Variants in DNAH5 observed in about 807,000 individuals in gnomAD.
DNAH5 encodes axonemal beta dynein heavy chain 5.
In DNAH5, 372 loss-of-function variants were observed where a neutral mutation model predicts 518.2. That is an observed-to-expected ratio of 0.72 (90% CI 0.66 to 0.78). The LOEUF (loss-of-function observed/expected upper bound fraction) is 0.78, where lower values mean the gene tolerates loss of function less well. Among genes scored for constraint, DNAH5 ranks in the 30% least tolerant of loss-of-function variants. The probability of loss-of-function intolerance (pLI) is 0.00; values close to 1 mark genes in which losing one functional copy is unlikely to be tolerated. For missense variants in DNAH5, 5,523 were observed against 5,687.0 expected (o/e 0.97, Z 0.93); for synonymous variants, 2,039 against 2,025.9 (o/e 1.01, Z -0.17).
intron 69 of DNAH5, among the ~76,000 whole-genome samples, 161 bp downstream of exon 69, chr5:13,729,278 T>C (rs1270596227): frequency 6.6e-6 from 1 of 152,228 alleles, no homozygotes; most frequent in African/African-American, 2.4e-5. Flanking sequence ...GAATGCCTTA[T>C]CAGAGTGTAA....
Position 13,914,545 on chromosome 5 carries a change from A to G in DNAH5, c.1295T>C (p.Ile432Thr). The G allele has an allele frequency of 6.2e-7, 1 of 1,613,370 alleles. No individual in the cohort carries two copies. The highest frequency in any genetic ancestry group is 8.5e-7 in the Non-Finnish European group (1 of 1,179,492). ...NQPQDVVEEKILSAIKLKQEY... is the reference protein window; with the variant it reads ...NQPQDVVEEKTLSAIKLKQEY... ...CTGTTTCAGTTTAATCGCAGATAGT[A>G]TTTTTTCTTCAACAACATCCTGTGG... Residue 432 changes from isoleucine to threonine, a missense_variant, in exon 10 of 79, where the codon ATA becomes ACA. This residue lies in a region of DNAH5 where 5,121 missense variants were observed against 5,223.3 expected (regional missense o/e 0.98). Transcript: ENST00000265104.
intron 1 of DNAH5, among the ~76,000 whole-genome samples, chr5:13,989,773 A>G (rs10060055): frequency 0.3 from 45,688 of 151,912 alleles, 7,182 homozygotes; most frequent in East Asian, 0.61. Flanking sequence ...ATGAGCCACC[A>G]CACCCAGCCG....
chr5:13,917,536 G>A lies in DNAH5; in HGVS notation c.976-280C>T, dbSNP rs146823507. Reference sequence around the variant, plus strand: ...GCAGCACCGCCCTTTAAACTCACACGTTCTCCCCTGCACTGGTTAGCAGAC... The same window carrying A: ...GCAGCACCGCCCTTTAAACTCACACATTCTCCCCTGCACTGGTTAGCAGAC... On this transcript the variant is annotated intron_variant, in intron 7 of 78. Coordinates refer to ENST00000265104, the MANE Select transcript of DNAH5 (RefSeq NM_001369.3). Among the ~76,000 whole-genome samples, 241 of 152,206 alleles carry A rather than the reference G, an allele frequency of 1.6e-3. 3 individuals are homozygous for A. Among genetic ancestry groups the A allele is most frequent in the African/African-American group, 5.4e-3 (224 of 41,528 alleles).
In DNAH5 at chr5:13,850,921, G is replaced by C. The variant is rs948926873; in HGVS notation, c.4951-106C>G. The C allele has an allele frequency of 1.2e-5, 14 of 1,135,592 alleles. No individual in the cohort carries two copies. In the African/African-American group the frequency reaches 2.0e-4, roughly 16 times the overall value. The allele number at this position is 1,135,592 out of a possible 1,614,324, so 70.3% of individuals were successfully genotyped here. ...TGAGGCTAGAGCTTTAACCAGTCCAGATATCCAAGCAATATATGCCTAATG... is the reference window on the plus strand; with the variant it reads ...TGAGGCTAGAGCTTTAACCAGTCCACATATCCAAGCAATATATGCCTAATG... On this transcript the variant is annotated intron_variant, in intron 30 of 78. Transcript: ENST00000265104.
chr5:13,708,296 T>A lies in DNAH5; in HGVS notation c.13165A>T (p.Met4389Leu), dbSNP rs767353555. ...RLQKMGPFQP[M>L]NIFLRQEIDR... is the part of the protein sequence containing the mutation. ...ATTTCCTGCCTGAGGAAAATGTTCA[T>A]AGGCTGGAATGGCCCCATCTTCTGC... The change falls in exon 76 of 79, where the codon ATG (methionine) becomes TTG (leucine). Residue 4389 changes from methionine to leucine, a missense_variant. Coordinates refer to ENST00000265104, the MANE Select transcript of DNAH5 (RefSeq NM_001369.3). 1.2e-6 allele frequency: 2 copies of A among 1,614,030 alleles called. No homozygotes were observed. The highest frequency in any genetic ancestry group is 3.3e-5 in the Admixed American group (2 of 59,998).
chr5:13,871,001 AGCTGTAAAAACCCAAAT>A lies in DNAH5; in HGVS notation c.3599-16_3599del. On this transcript the variant is annotated splice_acceptor_variant and splice_polypyrimidine_tract_variant and coding_sequence_variant and intron_variant, in exon 24 of 79. Coordinates refer to ENST00000265104, the MANE Select transcript of DNAH5 (RefSeq NM_001369.3). LOFTEE classifies it high-confidence loss of function. ...CAGCAGTCAGGGCGAACTTCAAGTC[AGCTGTAAAAACCCAAAT>A]GTCTACAGTTCAGTTTTAAAAACTC... 6.2e-7 allele frequency: 1 copy of A among 1,612,662 alleles called. No individual in the cohort carries two copies. Among genetic ancestry groups the A allele is most frequent in the Non-Finnish European group, 8.5e-7 (1 of 1,179,286 alleles).
In DNAH5 at chr5:13,762,348, A is replaced by T. The variant is rs141044090; in HGVS notation, c.10281+374T>A. On this transcript the variant is annotated intron_variant, in intron 60 of 78. Transcript: ENST00000265104. Reference sequence around the variant, plus strand: ...GTCTTGACCCTACCTCACTCATAGGATTCTCTGGATAAAGATCTGAAATAT... The same window carrying T: ...GTCTTGACCCTACCTCACTCATAGGTTTCTCTGGATAAAGATCTGAAATAT... Among the ~76,000 whole-genome samples the T allele has an allele frequency of 3.6e-3, 541 of 152,264 alleles. 13 individuals are homozygous for T. The highest frequency in any genetic ancestry group is 9.4e-4 in the Non-Finnish European group (64 of 68,018).
intron 1 of DNAH5, among the ~76,000 whole-genome samples, chr5:13,934,790 A>C (rs1778764253): frequency 6.6e-6 from 1 of 152,208 alleles, no homozygotes; most frequent in Admixed American, 6.5e-5. Flanking sequence ...AGGTGGCAAG[A>C]GGCAGGATTC....
At position 13,920,613 on chromosome 5, in the gene DNAH5, T is replaced by C; in HGVS notation, c.665A>G (p.Asn222Ser). 2 of 1,614,076 alleles carry C rather than the reference T, an allele frequency of 1.2e-6. No individual in the cohort carries two copies. The highest frequency in any genetic ancestry group is 1.7e-6 in the Non-Finnish European group (2 of 1,179,938). ...GAQESLKEKV[N>S]LRKCDILELK... ...TTCAAGTATGTCACACTTTCGAAGG[T>C]TCACCTAATTAGAATGAAAATTAAA... is the stretch of plus-strand genomic sequence containing the variant. The change falls in exon 6 of 79, where the codon AAC becomes AGC. Residue 222 changes from asparagine (N) to serine (S), a missense_variant. By Grantham distance (46) the Asn-to-Ser change is conservative (BLOSUM62 1). Transcript: ENST00000265104.
chr5:13,771,579 CA>C (rs767434266), intron 55 of DNAH5, among the ~76,000 whole-genome samples: 4 of 152,058 alleles, frequency 2.6e-5, no homozygotes, highest in Non-Finnish European at 5.9e-5. Context: ...CCCACATTGC[CA>C]AATGGGGGAC....
At chr5:13,785,550 T>G (rs1755857290) in intron 52 of DNAH5, among the ~76,000 whole-genome samples, 1 of 152,242 alleles carries the variant, frequency 6.6e-6, no homozygotes, top group Non-Finnish European at 1.5e-5. Context: ...AACCACTAAG[T>G]ATATTGTTCA....
intron 1 of DNAH5, among the ~76,000 whole-genome samples, chr5:13,960,111 C>CA (rs78100175): frequency 0.34 from 47,646 of 139,572 alleles, 7,759 homozygotes; most frequent in East Asian, 0.61. Context: ...CTTTTATCTT[C>CA]AAAAAAAAAA....
chr5:13,865,597 C>T, intron 27 of DNAH5, 71 bp downstream of exon 27: 1 of 939,184 alleles, frequency 1.1e-6, no homozygotes, highest in South Asian at 1.3e-5. Flanking sequence ...GAAAAGAGAA[C>T]TTGGCTGCCT....
intron 1 of DNAH5, among the ~76,000 whole-genome samples, chr5:13,999,258 A>T (rs72736948): frequency 3.5e-4 from 54 of 152,380 alleles, no homozygotes; most frequent in Non-Finnish European, 6.0e-4. Context: ...TTTCAAGTAT[A>T]CATTATTGCT....
chr5:13,864,309 A>G (rs1768903533), intron 28 of DNAH5, 88 bp downstream of exon 28: 1 of 1,543,186 alleles, frequency 6.5e-7, no homozygotes. Flanking sequence ...GTCTGAGTGT[A>G]GTTTACTGAT....
At chr5:13,799,164 C>A (rs1443129310) in intron 47 of DNAH5, among the ~76,000 whole-genome samples, 1 of 151,682 alleles carries the variant, frequency 6.6e-6, no homozygotes, top group Non-Finnish European at 1.5e-5. Context: ...AATTACAAAA[C>A]AAATCTCCCA....
At chr5:13,813,792 A>C (rs1006922907) in intron 43 of DNAH5, among the ~76,000 whole-genome samples, 4 of 152,198 alleles carry the variant, frequency 2.6e-5, no homozygotes, top group Non-Finnish European at 5.9e-5. Context: ...AAAAGTTAGG[A>C]TATAACCATA....
rs764968328 is a variant in DNAH5, at chr5:13,729,507, G to A, written c.11815C>T (p.Leu3939=). ...ACCAAATTCAGCCATGTTATGTCCA[G>A]GATCCATTTTGATGGTTTTGGAGGA... ...ACPPKPSKWI[L]DITWLNLVEL... The change falls in exon 69 of 79, where the codon CTG becomes TTG. Residue 3939 remains leucine (L), a synonymous_variant. Transcript: ENST00000265104. 1.1e-5 allele frequency: 17 copies of A among 1,613,816 alleles called. No individual in the cohort carries two copies. The highest frequency in any genetic ancestry group is 1.7e-6 in the Non-Finnish European group (2 of 1,179,886).
At chr5:13,814,522 C>T in intron 43 of DNAH5, 83 bp downstream of exon 43, 1 of 1,418,562 alleles carries the variant, frequency 7.0e-7, no homozygotes, top group Non-Finnish European at 9.9e-7. Flanking sequence ...CTGCCATCTG[C>T]AGAAAAATTG....
Sources: allele counts gnomAD v4.1 joint callset (sites outside exome capture counted in the v4.1 genomes callset), GRCh38; gene constraint gnomAD v4.1.1; regional missense constraint gnomAD v4.1.1; transcripts MANE v1.5; gene names NCBI Gene and HGNC (gene_info 2026-07-23, HGNC 2026-07-21).